Variants in RIMS1 observed in about 807,000 individuals in gnomAD.
The protein encoded by RIMS1 is regulating synaptic membrane exocytosis 1.
In RIMS1, 83 loss-of-function variants were observed where a neutral mutation model predicts 214.1. The ratio of observed to expected loss-of-function variants is 0.39; its 90% CI spans 0.32 to 0.47. The LOEUF is 0.47. Among genes scored for constraint, RIMS1 ranks in the 20% least tolerant of loss-of-function variants. The pLI is 0.99. For missense variants in RIMS1, 2,050 were observed against 2,161.8 expected (o/e 0.95, Z 1.03); for synonymous variants, 793 against 786.8 (o/e 1.01, Z -0.13).
intron 29 of RIMS1, among the ~76,000 whole-genome samples, chr6:72,339,994 G>T (rs533002446): frequency 2.1e-4 from 32 of 152,190 alleles, no homozygotes; most frequent in African/African-American, 7.7e-4. Context: ...GTTTGAGATG[G>T]TATCTGATTG....
intron 4 of RIMS1, among the ~76,000 whole-genome samples, chr6:72,152,367 G>C (rs2043728554): frequency 6.6e-6 from 1 of 152,104 alleles, no homozygotes; most frequent in Non-Finnish European, 1.5e-5. Flanking sequence ...AGAACAGTTG[G>C]GTAGCTTGTC....
chr6:71,964,789 A>G (rs1255698008), intron 1 of RIMS1, among the ~76,000 whole-genome samples: 1 of 152,214 alleles, frequency 6.6e-6, no homozygotes, highest in East Asian at 1.9e-4. Flanking sequence ...AGAGTTAAGA[A>G]GAAAGAATCA....
chr6:71,897,435 G>A (rs1372572728), intron 1 of RIMS1, among the ~76,000 whole-genome samples: 2 of 151,932 alleles, frequency 1.3e-5, no homozygotes, highest in African/African-American at 4.8e-5. Flanking sequence ...CTGTTCTTTG[G>A]TCCGTGAATA....
At chr6:72,324,556 C>G (rs1302853781) in intron 28 of RIMS1, among the ~76,000 whole-genome samples, 1 of 151,856 alleles carries the variant, frequency 6.6e-6, no homozygotes, top group East Asian at 1.9e-4. Context: ...GTGGATGGAA[C>G]TACATCTGTA....
intron 6 of RIMS1, among the ~76,000 whole-genome samples, chr6:72,203,998 GT>G (rs2052482136): frequency 2.0e-5 from 3 of 152,184 alleles, no homozygotes; most frequent in Non-Finnish European, 2.9e-5. Flanking sequence ...GACTGGGAAA[GT>G]ATCCAAAATG....
At chr6:72,244,486 A>C (rs576005212) in intron 10 of RIMS1, among the ~76,000 whole-genome samples, 1 of 151,974 alleles carries the variant, frequency 6.6e-6, no homozygotes, top group East Asian at 1.9e-4. Flanking sequence ...CTGATTTCAT[A>C]ATGGACTATG....
At chr6:72,242,265 A>G in intron 9 of RIMS1, 49 bp from the exon 10 acceptor site, 2 of 1,361,928 alleles carry the variant, frequency 1.5e-6, no homozygotes, top group Non-Finnish European at 2.0e-6. Context: ...GATACGAAAA[A>G]TAAACAGAAT....
At chr6:71,950,721 G>T (rs1450428376) in intron 1 of RIMS1, among the ~76,000 whole-genome samples, 3 of 152,148 alleles carry the variant, frequency 2.0e-5, no homozygotes, top group African/African-American at 7.2e-5. Context: ...AAAATAGCTT[G>T]TTTCCCTCCA....
At chr6:72,374,553 T>C (rs1353244286) in intron 29 of RIMS1, among the ~76,000 whole-genome samples, 3 of 152,224 alleles carry the variant, frequency 2.0e-5, no homozygotes, top group African/African-American at 7.2e-5. Flanking sequence ...CTATTTTCTC[T>C]CTTGTCATAT....
intron 29 of RIMS1, among the ~76,000 whole-genome samples, chr6:72,344,003 A>C (rs1458884186): frequency 6.6e-6 from 1 of 151,864 alleles, no homozygotes; most frequent in Non-Finnish European, 1.5e-5. Context: ...TGCTTGAATA[A>C]GCTAATTTAC....
chr6:72,012,487 AC>A (rs528049567), intron 2 of RIMS1, among the ~76,000 whole-genome samples: 3 of 152,226 alleles, frequency 2.0e-5, no homozygotes, highest in Non-Finnish European at 4.4e-5. Flanking sequence ...AATAAAAAAA[AC>A]TGAAAAAATT....
At chr6:72,225,063 A>G (rs536268791) in intron 6 of RIMS1, among the ~76,000 whole-genome samples, 3 of 152,318 alleles carry the variant, frequency 2.0e-5, no homozygotes, top group African/African-American at 7.2e-5. Flanking sequence ...GTATCTATAA[A>G]TTATTTGTTT....
At chr6:72,069,908 AG>A (rs1830197584) in intron 2 of RIMS1, among the ~76,000 whole-genome samples, 1 of 152,220 alleles carries the variant, frequency 6.6e-6, no homozygotes, top group African/African-American at 2.4e-5. Context: ...GATGAGATAG[AG>A]GTGCAGATAC....
At chr6:72,034,497 A>T (rs763187862) in intron 2 of RIMS1, among the ~76,000 whole-genome samples, 2 of 152,018 alleles carry the variant, frequency 1.3e-5, no homozygotes, top group Non-Finnish European at 2.9e-5. Context: ...TGCAGCTCTC[A>T]GGAATTATGT....
chr6:72,331,423 G>C (rs977960304), intron 28 of RIMS1, among the ~76,000 whole-genome samples: 1 of 151,822 alleles, frequency 6.6e-6, no homozygotes, highest in Admixed American at 6.6e-5. Context: ...TGAGAGATGA[G>C]AAACCACTGC....
chr6:72,251,890 T>A (rs1366018646), intron 15 of RIMS1, among the ~76,000 whole-genome samples: 1 of 152,134 alleles, frequency 6.6e-6, no homozygotes, highest in Non-Finnish European at 1.5e-5. Context: ...TATTTTTGTA[T>A]ATTTAGTAGA....
chr6:72,286,712 G>A (rs956319090), intron 24 of RIMS1, among the ~76,000 whole-genome samples: 1 of 152,032 alleles, frequency 6.6e-6, no homozygotes, highest in Non-Finnish European at 1.5e-5. Flanking sequence ...TTTACATCTA[G>A]CTACACGTGA....
rs115839315 is a variant in RIMS1, at chr6:72,360,309, T to G, written c.4366+26474T>G. ...AGTTAATGCTAATTACAAGTTTCTATTTTCATAAAATTAATCTATTTATCA... is the reference window on the plus strand; with the variant it reads ...AGTTAATGCTAATTACAAGTTTCTAGTTTCATAAAATTAATCTATTTATCA... On this transcript the variant is annotated intron_variant, in intron 29 of 33. Coordinates refer to ENST00000521978, the MANE Select transcript of RIMS1 (RefSeq NM_014989.7). Among the ~76,000 whole-genome samples the G allele has an allele frequency of 3.7e-3, 570 of 152,338 alleles. 3 individuals are homozygous for G. The highest frequency in any genetic ancestry group is 0.013 in the African/African-American group (540 of 41,572).
chr6:72,099,844 G>A, intron 3 of RIMS1, 131 bp from the exon 4 acceptor site: 5 of 689,968 alleles, frequency 7.2e-6, no homozygotes, highest in South Asian at 6.9e-5. Flanking sequence ...TTTCAAAATA[G>A]TTGTGCTTTA....
Sources: allele counts gnomAD v4.1 joint callset (sites outside exome capture counted in the v4.1 genomes callset), GRCh38; gene constraint gnomAD v4.1.1; transcripts MANE v1.5; gene names NCBI Gene and HGNC (gene_info 2026-07-23, HGNC 2026-07-21).